CUX1: variants seen among roughly 807,000 people sequenced by gnomAD.
The protein encoded by CUX1 is cut like homeobox 1.
A neutral mutation model predicts 158.8 loss-of-function variants in CUX1; 31 were observed. The observed-to-expected ratio is 0.20, with a 90% CI of 0.15 to 0.26. The LOEUF (loss-of-function observed/expected upper bound fraction) is 0.26. CUX1 is among the 10% of genes least tolerant of loss of function. The pLI is 1.00. For missense variants in CUX1, 1,589 were observed against 2,014.6 expected (o/e 0.79, Z 4.04); for synonymous variants, 879 against 862.1 (o/e 1.02, Z -0.34).
chr7:102,113,020 G>A (rs1318568417), intron 7 of CUX1, among the ~76,000 whole-genome samples: 36 of 151,852 alleles, frequency 2.4e-4, no homozygotes, highest in Admixed American at 2.0e-3. Flanking sequence ...TTTGACAAAC[G>A]GATAATTAAA....
At position 102,205,096 on chromosome 7, in the gene CUX1, A is replaced by G. The variant is rs782042824; in HGVS notation, c.3074-18A>G. 9.5e-6 allele frequency: 15 copies of G among 1,584,918 alleles called. No individual in the cohort carries two copies. In the East Asian group the frequency reaches 1.6e-4, roughly 17 times the overall value. On this transcript the variant is annotated intron_variant, in intron 19 of 23. Coordinates refer to ENST00000292535, the MANE Select transcript of CUX1 (RefSeq NM_181552.4). Reference sequence around the variant, plus strand: ...GGGCCGCGTTCCTTCCTTTAATTATAACCTTTTTCTACTTTAGTCCTCCAC... The same window carrying G: ...GGGCCGCGTTCCTTCCTTTAATTATGACCTTTTTCTACTTTAGTCCTCCAC...
At chr7:102,185,949 G>A (rs895846173) in intron 11 of CUX1, among the ~76,000 whole-genome samples, 4 of 152,138 alleles carry the variant, frequency 2.6e-5, no homozygotes, top group South Asian at 2.1e-4. Flanking sequence ...ATCAGATAGC[G>A]TATGAAATGC....
At chr7:102,171,863 C>T (rs1205270719) in intron 10 of CUX1, among the ~76,000 whole-genome samples, 4 of 152,176 alleles carry the variant, frequency 2.6e-5, no homozygotes, top group African/African-American at 9.7e-5. Flanking sequence ...AGCCCTCATC[C>T]TAAGGTTACA....
At chr7:101,964,886 TATCTC>T (rs1810962516) in intron 2 of CUX1, among the ~76,000 whole-genome samples, 1 of 152,314 alleles carries the variant, frequency 6.6e-6, no homozygotes, top group South Asian at 2.1e-4. Context: ...ACAGGCTTCT[TATCTC>T]ATCTCCACCT....
At chr7:102,185,233 CA>C (rs1793507176) in intron 11 of CUX1, among the ~76,000 whole-genome samples, 3 of 152,234 alleles carry the variant, frequency 2.0e-5, no homozygotes, top group Admixed American at 2.0e-4. Context: ...AGGACAGTAA[CA>C]GTGCTAACCA....
intron 4 of CUX1, among the ~76,000 whole-genome samples, chr7:102,079,451 T>A (rs1219021060): frequency 1.4e-5 from 2 of 146,646 alleles, no homozygotes; most frequent in East Asian, 2.0e-4. Context: ...AAAAAAAAAA[T>A]GACAAAATCT....
Position 102,089,050 on chromosome 7 carries a change from C to A in CUX1, c.269-8314C>A, listed in dbSNP as rs114347175. On this transcript the variant is annotated intron_variant, in intron 4 of 23. Transcript: ENST00000292535. ...TTTTTTTCAATCTTTCTGTGTATTT[C>A]TGTTTGGTTTGTTTCTGTGACTATA... Among the ~76,000 whole-genome samples the A allele has an allele frequency of 2.7e-3, 404 of 151,976 alleles. 2 individuals are homozygous for A. Among genetic ancestry groups the A allele is most frequent in the African/African-American group, 9.4e-3 (389 of 41,462 alleles).
At chr7:102,185,586 A>T (rs1554515021) in intron 11 of CUX1, among the ~76,000 whole-genome samples, 1 of 150,458 alleles carries the variant, frequency 6.6e-6, no homozygotes, top group East Asian at 1.9e-4. Context: ...CACCCAGCTA[A>T]TGTTTTGGGG....
chr7:101,927,866 G>T (rs1444219295), intron 2 of CUX1, among the ~76,000 whole-genome samples: 1 of 152,188 alleles, frequency 6.6e-6, no homozygotes, highest in Non-Finnish European at 1.5e-5. Flanking sequence ...CTGTTGCGGG[G>T]CTTGGCCCAG....
chr7:102,198,273 A>G (rs1445554456), intron 15 of CUX1, among the ~76,000 whole-genome samples: 1 of 152,300 alleles, frequency 6.6e-6, no homozygotes, highest in Non-Finnish European at 1.5e-5. Flanking sequence ...TAAAAAAACA[A>G]AAAAGAAAGT....
At chr7:102,230,195 C>T (rs1798807093) in intron 21 of CUX1, among the ~76,000 whole-genome samples, 1 of 152,016 alleles carries the variant, frequency 6.6e-6, no homozygotes, top group African/African-American at 2.4e-5. Flanking sequence ...CATGGTGGCT[C>T]ACTTGAGAAT....
At chr7:102,022,622 A>G (rs1425564237) in intron 2 of CUX1, among the ~76,000 whole-genome samples, 6 of 152,002 alleles carry the variant, frequency 3.9e-5, no homozygotes. Context: ...TCAAAAAAAA[A>G]AAAAAAGAAA....
intron 1 of CUX1, among the ~76,000 whole-genome samples, chr7:101,825,134 C>T (rs1481295202): frequency 6.6e-6 from 1 of 152,154 alleles, no homozygotes; most frequent in Non-Finnish European, 1.5e-5. Flanking sequence ...GGGCTGGAGT[C>T]CCCAACATAC....
chr7:101,968,337 C>T (rs1055760836), intron 2 of CUX1, among the ~76,000 whole-genome samples: 4 of 152,090 alleles, frequency 2.6e-5, no homozygotes, highest in African/African-American at 9.7e-5. Flanking sequence ...AGGTGGGTCC[C>T]CTGGACAACC....
At chr7:102,072,779 G>A (rs1826269512) in intron 4 of CUX1, among the ~76,000 whole-genome samples, 2 of 152,112 alleles carry the variant, frequency 1.3e-5, no homozygotes, top group African/African-American at 4.8e-5. Context: ...GCAGCCTGGC[G>A]GGCATCACTG....
intron 11 of CUX1, chr7:102,188,717 G>C (rs1340226954): frequency 6.6e-5 from 10 of 151,562 alleles, no homozygotes; most frequent in African/African-American, 2.4e-4. Flanking sequence ...GGCTAAGGCA[G>C]GAAAATTGCT....
intron 3 of CUX1, among the ~76,000 whole-genome samples, chr7:102,057,687 C>G (rs978989233): frequency 1.3e-5 from 2 of 152,102 alleles, no homozygotes; most frequent in African/African-American, 4.8e-5. Flanking sequence ...ACCTCATGAT[C>G]AAACTTGAAT....
intron 20 of CUX1, among the ~76,000 whole-genome samples, chr7:102,216,782 ACACACACACTCTCCCACACACACCCC>A (rs71123015): frequency 0.48 from 67,690 of 141,806 alleles, 17,393 homozygotes; most frequent in East Asian, 0.91. Context: ...ACACTCTCCC[ACACACACACTCTCCCACACACACCCC>A]CACACACACT....
chr7:102,082,930 G>T lies in CUX1; in HGVS notation c.268+12513G>T, dbSNP rs1277096381. On this transcript the variant is annotated intron_variant, in intron 4 of 23. Transcript: ENST00000292535. ...CATTCATGGAGAAGTTGTTACATAGGTATATGTTTTTATTTCCCTTAGGCA... is the reference window on the plus strand; with the variant it reads ...CATTCATGGAGAAGTTGTTACATAGTTATATGTTTTTATTTCCCTTAGGCA... Among the ~76,000 whole-genome samples the T allele has an allele frequency of 2.7e-5, 4 of 147,662 alleles. 1 individual carries two copies. The highest frequency in any genetic ancestry group is 6.1e-5 in the Non-Finnish European group (4 of 65,362).
Sources: gnomAD v4.1 joint callset for allele counts (sites outside exome capture counted in the v4.1 genomes callset) on GRCh38, gnomAD v4.1.1 for gene constraint, MANE v1.5 for transcripts, NCBI Gene and HGNC (gene_info 2026-07-23, HGNC 2026-07-21) for gene names.